Variants in FLI1 observed in about 807,000 individuals in gnomAD.
FLI1 encodes the protein Friend leukemia integration 1 transcription factor.
In FLI1, 13 loss-of-function variants were observed where a neutral mutation model predicts 53.1. That is an observed-to-expected ratio of 0.24 (90% confidence interval 0.16 to 0.39). The LOEUF (loss-of-function observed/expected upper bound fraction) is 0.39, where lower values mean the gene tolerates loss of function less well. FLI1 is among the 10% of genes least tolerant of loss of function. The probability of loss-of-function intolerance (pLI) is 1.00; values close to 1 mark genes in which losing one functional copy is unlikely to be tolerated. For missense variants in FLI1, 424 were observed against 600.5 expected, an observed-to-expected ratio of 0.71 and a Z score of 3.07; for synonymous variants, 244 against 236.7, an observed-to-expected ratio of 1.03 and a Z score of -0.28.
intron 1 of FLI1, among the ~76,000 whole-genome samples, chr11:128,753,545 G>A (rs931030818): frequency 2.5e-4 from 38 of 152,232 alleles, no homozygotes; most frequent in African/African-American, 7.7e-4. Flanking sequence ...TGATTTATCC[G>A]TGGAAAGTTC....
chr11:128,749,235 G>A (rs565744424), intron 1 of FLI1, among the ~76,000 whole-genome samples: 7 of 152,288 alleles, frequency 4.6e-5, no homozygotes, highest in South Asian at 4.1e-4. Flanking sequence ...ATGGGTTTTC[G>A]GTTGCTGAGT....
chr11:128,707,444 G>C (rs572619615), intron 1 of FLI1, among the ~76,000 whole-genome samples: 7 of 152,190 alleles, frequency 4.6e-5, no homozygotes, highest in Non-Finnish European at 1.0e-4. Context: ...TTTCTAGAAA[G>C]GAGAGGGAGA....
At chr11:128,734,067 C>T (rs1939810959) in intron 1 of FLI1, among the ~76,000 whole-genome samples, 1 of 152,194 alleles carries the variant, frequency 6.6e-6, no homozygotes, top group African/African-American at 2.4e-5. Flanking sequence ...TCCGAGGCCA[C>T]AGACAGAAAA....
At chr11:128,777,457 C>T (rs1004117103) in intron 4 of FLI1, among the ~76,000 whole-genome samples, 10 of 152,168 alleles carry the variant, frequency 6.6e-5, no homozygotes, top group South Asian at 2.1e-4. Flanking sequence ...TTAATTTAAA[C>T]TTTAATGGAA....
chr11:128,805,806 T>C, intron 6 of FLI1: 1 of 178,704 alleles, frequency 5.6e-6, no homozygotes, highest in Non-Finnish European at 1.2e-5. Context: ...GTCGTACCAA[T>C]TTCCCCATTC....
chr11:128,766,338 G>A (rs677419), intron 2 of FLI1, among the ~76,000 whole-genome samples: 37,610 of 152,130 alleles, frequency 0.25, 5,160 homozygotes, highest in South Asian at 0.36. Flanking sequence ...AGCAATCTGG[G>A]ACTCTGACGG....
chr11:128,807,561 C>T (rs917629080), intron 7 of FLI1, among the ~76,000 whole-genome samples: 1 of 152,168 alleles, frequency 6.6e-6, no homozygotes, highest in Non-Finnish European at 1.5e-5. Flanking sequence ...AGAAATAGGG[C>T]TACAATCCCA....
rs372519841 is a variant in FLI1 at position 128,805,332 on chromosome 11, T to C, written c.656-34T>C. On this transcript the variant is annotated intron_variant, in intron 5 of 8. Coordinates refer to ENST00000527786, the MANE Select transcript of FLI1 (RefSeq NM_002017.5). ...TGCAACTTTTCTGAGAAGCAGGCGA[T>C]GCTAATGTACCCCTATTTGTTATTG... 3.0e-6 allele frequency: 4 copies of C among 1,347,668 alleles called. No individual in the cohort carries two copies. In the East Asian group the frequency reaches 9.5e-5, roughly 32 times the overall value. 83.5% of individuals were successfully genotyped at this position (1,347,668 alleles called of 1,614,324 possible).
intron 1 of FLI1, among the ~76,000 whole-genome samples, chr11:128,757,094 T>TTCTTTCTTTCTTTCTC (rs1565484390): frequency 1.1e-4 from 15 of 135,204 alleles, no homozygotes; most frequent in African/African-American, 4.3e-4. Flanking sequence ...CTTTCTTTCT[T>TTCTTTCTTTCTTTCTC]TCTTTCTTTC....
chr11:128,764,686 C>G (rs922181770), intron 2 of FLI1: 19 of 1,539,684 alleles, frequency 1.2e-5, no homozygotes, highest in Non-Finnish European at 1.7e-5. Flanking sequence ...GCCTTTTATG[C>G]TGGGCTTCAC....
chr11:128,715,729 T>C (rs551838871), intron 1 of FLI1, among the ~76,000 whole-genome samples: 40 of 152,128 alleles, frequency 2.6e-4, no homozygotes, highest in Non-Finnish European at 5.4e-4. Flanking sequence ...CCCGTAAAGG[T>C]CATGCTTTGA....
chr11:128,711,834 C>T (rs555875113), intron 1 of FLI1, among the ~76,000 whole-genome samples: 68 of 152,296 alleles, frequency 4.5e-4, no homozygotes, highest in African/African-American at 8.4e-4. Context: ...TCCCTATAAC[C>T]GTTTGTAATA....
In FLI1 at chr11:128,711,507, C is replaced by T. The variant is rs1207069528; in HGVS notation, c.18+17231C>T. 2.6e-5 allele frequency among the ~76,000 whole-genome samples: 4 copies of T among 152,222 alleles called. No individual in the cohort carries two copies. In the East Asian group the frequency reaches 7.7e-4, roughly 29 times the overall value. On this transcript the variant is annotated intron_variant, in intron 1 of 8. Transcript: ENST00000527786. ...CCTTTAAGAATGTAATACTTTATTT[C>T]CCTTTTATCAAATGAGGGCATTTGG...
chr11:128,731,305 G>T (rs1230346310), intron 1 of FLI1, among the ~76,000 whole-genome samples: 1 of 98,840 alleles, frequency 1.0e-5, no homozygotes, highest in Non-Finnish European at 2.2e-5. Context: ...CCTAAATGTG[G>T]GGGGGTTGGT....
upstream of FLI1, chr11:128,693,988 G>GAT: frequency 3.6e-6 from 1 of 281,538 alleles, no homozygotes. Flanking sequence ...GAGAGAGAGA[G>GAT]AGAGATAGGA....
chr11:128,754,890 T>G (rs1293129658), intron 1 of FLI1, among the ~76,000 whole-genome samples: 1 of 152,256 alleles, frequency 6.6e-6, no homozygotes, highest in East Asian at 1.9e-4. Flanking sequence ...TGGAGTTTCC[T>G]TGATTGTGAA....
chr11:128,751,689 G>T (rs1052818668), intron 1 of FLI1, among the ~76,000 whole-genome samples: 32 of 151,936 alleles, frequency 2.1e-4, no homozygotes, highest in Middle Eastern at 3.4e-3. Flanking sequence ...ACCACGCCTG[G>T]TTAATTTTTT....
At chr11:128,686,023 T>G (rs915457900), upstream of FLI1, 13 of 229,118 alleles carry the variant, frequency 5.7e-5, no homozygotes, top group East Asian at 1.4e-3. Context: ...CCCAAAAACC[T>G]ATTTTCTAAG....
rs1942203630 is a variant in FLI1 at position 128,789,581 on chromosome 11, G to A, written c.655+7558G>A. On this transcript the variant is annotated intron_variant, in intron 5 of 8. Coordinates refer to ENST00000527786, the MANE Select transcript of FLI1 (RefSeq NM_002017.5). ...ATATCTTTGCCTTATTTCTCCGGGC[G>A]AAGAGTTTCCCGAGGAGGGCATCTT... Among the ~76,000 whole-genome samples, 4 of 152,310 alleles carry A rather than the reference G, an allele frequency of 2.6e-5. No individual in the cohort carries two copies. In the South Asian group the frequency reaches 6.2e-4, roughly 24 times the overall value.
Sources: gnomAD v4.1 joint callset for allele counts (sites outside exome capture counted in the v4.1 genomes callset) on GRCh38, gnomAD v4.1.1 for gene constraint, MANE v1.5 for transcripts, NCBI Gene and HGNC (gene_info 2026-07-23, HGNC 2026-07-21) for gene names.